The following LYST variants were observed in gnomAD, a reference collection of about 807,000 sequenced individuals.
LYST encodes lysosomal-trafficking regulator.
A neutral mutation model predicts 413.6 loss-of-function variants in LYST; 192 were observed. That is an observed-to-expected ratio of 0.46 (90% CI 0.41 to 0.52). The LOEUF (loss-of-function observed/expected upper bound fraction) is 0.52, where lower values mean the gene tolerates loss of function less well. LYST is among the 20% of genes least tolerant of loss of function. LYST has a pLI of 0.00. For missense variants in LYST, 3,815 were observed against 4,499.9 expected (o/e 0.85, Z 4.35); for synonymous variants, 1,525 against 1,567.3 (o/e 0.97, Z 0.64).
chr1:235,836,311 C>G (rs889452514), intron 1 of LYST, among the ~76,000 whole-genome samples: 1 of 152,158 alleles, frequency 6.6e-6, no homozygotes, highest in East Asian at 1.9e-4. Context: ...TCCTTACCAT[C>G]ATGTATTATA....
At chr1:235,732,300 CTTTCTT>C (rs1482175400) in intron 34 of LYST, among the ~76,000 whole-genome samples, 18 of 152,090 alleles carry the variant, frequency 1.2e-4, no homozygotes, top group Non-Finnish European at 2.4e-4. Flanking sequence ...TTTATGTTTA[CTTTCTT>C]TTTCTTTTTC....
chr1:235,689,915 C>T (rs1660519808), intron 47 of LYST, among the ~76,000 whole-genome samples: 1 of 152,276 alleles, frequency 6.6e-6, no homozygotes, highest in East Asian at 1.9e-4. Flanking sequence ...TGACTAAATG[C>T]TTGTCTTTGT....
At chr1:235,765,618 C>T (rs1216764312) in intron 21 of LYST, among the ~76,000 whole-genome samples, 3 of 152,100 alleles carry the variant, frequency 2.0e-5, no homozygotes, top group Admixed American at 6.6e-5. Flanking sequence ...CTCATTAGTC[C>T]TTATTTTCTA....
Position 235,766,128 on chromosome 1 carries a change from A to G in LYST, c.6072T>C (p.Asn2024=). The change falls in exon 21 of 53, where the codon AAT becomes AAC. Residue 2024 remains asparagine, a synonymous_variant. Transcript: ENST00000389793. ...TCGTGGGATTGTGACAAACGTAAGTATTAGTAGGAGGGTGAACTGCTAAAA... is the reference window on the plus strand; with the variant it reads ...TCGTGGGATTGTGACAAACGTAAGTGTTAGTAGGAGGGTGAACTGCTAAAA... ...NFLLAVHPPT[N]TYVCHNPTNF... 1.2e-6 allele frequency: 2 copies of G among 1,613,706 alleles called. No individual in the cohort carries two copies. Among genetic ancestry groups the G allele is most frequent in the Admixed American group, 1.7e-5 (1 of 60,014 alleles).
At chr1:235,771,951 G>T (rs557186301) in intron 19 of LYST, among the ~76,000 whole-genome samples, 3 of 130,214 alleles carry the variant, frequency 2.3e-5, no homozygotes, top group South Asian at 4.6e-4. Context: ...GGCCAGGCAT[G>T]GGGGGCTCAC....
At chr1:235,740,296 G>C (rs536740212) in intron 31 of LYST, among the ~76,000 whole-genome samples, 1 of 152,150 alleles carries the variant, frequency 6.6e-6, no homozygotes, top group Admixed American at 6.5e-5. Flanking sequence ...ATAAAGCATA[G>C]ATATATTAAG....
chr1:235,779,785 A>C (rs1669663571), intron 16 of LYST, among the ~76,000 whole-genome samples: 1 of 151,666 alleles, frequency 6.6e-6, no homozygotes, highest in South Asian at 2.1e-4. Flanking sequence ...CCGCAACTCA[A>C]CAACAACAAC....
chr1:235,866,675 G>A (rs980819593), intron 1 of LYST, among the ~76,000 whole-genome samples, 168 bp downstream of exon 1: 1 of 150,602 alleles, frequency 6.6e-6, no homozygotes, highest in African/African-American at 2.5e-5. Context: ...CCGAGCTGGC[G>A]CGTCAGGCCG....
In LYST at chr1:235,663,214, C is replaced by T. The variant is rs1397872151; in HGVS notation, c.11268-136G>A. On this transcript the variant is annotated intron_variant, in intron 52 of 52. Coordinates refer to ENST00000389793, the MANE Select transcript of LYST (RefSeq NM_000081.4). ...GAGACATAAACTAAATGACTGCCTA[C>T]AACTCATTGGTTTTGACTGTAATTC... 1.7e-5 allele frequency: 12 copies of T among 692,774 alleles called. No homozygotes were observed. In the African/African-American group the frequency reaches 1.9e-4, roughly 11 times the overall value. 42.9% of individuals were successfully genotyped at this position (692,774 alleles called of 1,614,324 possible). A position where few individuals can be genotyped will look rare whatever the true frequency, so the allele number is the denominator to read the frequency against.
intron 52 of LYST, among the ~76,000 whole-genome samples, chr1:235,663,689 T>C (rs954923213): frequency 6.6e-6 from 1 of 152,328 alleles, no homozygotes; most frequent in Non-Finnish European, 1.5e-5. Flanking sequence ...ATCACCATTA[T>C]GGTCTTGTCA....
chr1:235,815,824 T>C (rs779244304), intron 3 of LYST, among the ~76,000 whole-genome samples: 2 of 151,938 alleles, frequency 1.3e-5, no homozygotes, highest in East Asian at 1.9e-4. Context: ...CATTCATGAA[T>C]AGAAAGAAAC....
intron 52 of LYST, 146 bp from the exon 53 acceptor site, chr1:235,663,224 G>C: frequency 1.5e-6 from 1 of 675,230 alleles, no homozygotes; most frequent in East Asian, 2.7e-5. Context: ...CAACTCATTG[G>C]TTTTGACTGT....
chr1:235,853,800 T>C (rs1229264846), intron 1 of LYST, among the ~76,000 whole-genome samples: 1 of 152,052 alleles, frequency 6.6e-6, no homozygotes, highest in East Asian at 1.9e-4. Flanking sequence ...AAAATTTTAA[T>C]AGAAATTCAG....
At chr1:235,714,834 G>A (rs555110690) in intron 42 of LYST, among the ~76,000 whole-genome samples, 2 of 152,240 alleles carry the variant, frequency 1.3e-5, no homozygotes, top group Admixed American at 1.3e-4. Context: ...AATGTACATA[G>A]GCTCCAAAGG....
intron 31 of LYST, chr1:235,737,712 C>A (rs192729236): frequency 5.3e-4 from 91 of 170,222 alleles, no homozygotes; most frequent in African/African-American, 2.1e-3. Context: ...CTGCAATAGA[C>A]TAAAACACAT....
intron 31 of LYST, chr1:235,737,912 G>A (rs1047550210): frequency 5.2e-6 from 6 of 1,156,908 alleles, no homozygotes; most frequent in African/African-American, 1.6e-5. Flanking sequence ...AGCCGCTGCC[G>A]ACGAGTCTGG....
chr1:235,708,944 AC>A, intron 44 of LYST, 146 bp downstream of exon 44: 1 of 725,756 alleles, frequency 1.4e-6, no homozygotes, highest in South Asian at 1.7e-5. Flanking sequence ...GAAATATAAA[AC>A]CTGAAAAATC....
intron 40 of LYST, among the ~76,000 whole-genome samples, chr1:235,718,593 A>G (rs959364431): frequency 6.6e-6 from 1 of 152,166 alleles, no homozygotes; most frequent in Admixed American, 6.5e-5. Flanking sequence ...TGTCTGAATT[A>G]GGCCCACTCT....
intron 8 of LYST, 104 bp downstream of exon 8, chr1:235,802,804 C>T: frequency 9.6e-7 from 1 of 1,038,162 alleles, no homozygotes; most frequent in Admixed American, 1.9e-5. Context: ...ACTTGTTAAA[C>T]TGTAAGGCAA....
Sources: gnomAD v4.1 joint callset for allele counts (sites outside exome capture counted in the v4.1 genomes callset) on GRCh38, gnomAD v4.1.1 for gene constraint, MANE v1.5 for transcripts, NCBI Gene and HGNC (gene_info 2026-07-23, HGNC 2026-07-21) for gene names.